Variants in SPG21 observed in about 807,000 individuals in gnomAD.
The protein encoded by SPG21 is SPG21 abhydrolase domain containing, maspardin, also known as maspardin.
In SPG21, 26 loss-of-function variants were observed where a neutral mutation model predicts 38.9. The ratio of observed to expected loss-of-function variants is 0.67; its 90% CI spans 0.49 to 0.93. SPG21 has a LOEUF of 0.93. Among genes scored for constraint, SPG21 ranks in the 40% least tolerant of loss-of-function variants. SPG21 has a pLI of 0.00. For missense variants in SPG21, 333 were observed against 376.5 expected (o/e 0.88, Z 0.96); for synonymous variants, 136 against 128.9 (o/e 1.05, Z -0.37).
intron 1 of SPG21, among the ~76,000 whole-genome samples, chr15:64,984,342 G>C (rs1012978770): frequency 5.3e-5 from 8 of 151,744 alleles, no homozygotes; most frequent in African/African-American, 1.7e-4. Context: ...CTAGAGAAAG[G>C]AGTTGATGTT....
At chr15:64,983,863 T>C (rs1050256837) in intron 1 of SPG21, among the ~76,000 whole-genome samples, 17 of 151,280 alleles carry the variant, frequency 1.1e-4, no homozygotes, top group Admixed American at 9.2e-4. Context: ...GCTCACTGCA[T>C]CCTCTACCTC....
chr15:64,985,067 C>T (rs2085964624), intron 1 of SPG21, among the ~76,000 whole-genome samples: 1 of 152,024 alleles, frequency 6.6e-6, no homozygotes, highest in Non-Finnish European at 1.5e-5. Context: ...GTTCTTAATA[C>T]AAAATACAGG....
chr15:64,985,916 C>A (rs1429806905), intron 1 of SPG21, among the ~76,000 whole-genome samples: 1 of 152,084 alleles, frequency 6.6e-6, no homozygotes, highest in Non-Finnish European at 1.5e-5. Flanking sequence ...TCTCTCTTCT[C>A]AAAGCTAAGA....
rs900408096 is a variant in SPG21, at chr15:64,970,329, C to T, written c.453-107G>A. On this transcript the variant is annotated intron_variant, in intron 5 of 8. Transcript: ENST00000204566. ...AGCTTGGGATCTAGAAATAAAAAGT[C>T]CTAATCCCCTCCTCCAAAGAGCTCA... 1.3e-5 allele frequency: 12 copies of T among 929,302 alleles called. No individual in the cohort carries two copies. In the African/African-American group the frequency reaches 1.6e-4, roughly 13 times the overall value. 57.6% of individuals were successfully genotyped at this position (929,302 alleles called of 1,614,324 possible).
chr15:64,970,598 T>C (rs2085643008), intron 5 of SPG21, among the ~76,000 whole-genome samples: 2 of 152,250 alleles, frequency 1.3e-5, no homozygotes, highest in Admixed American at 1.3e-4. Flanking sequence ...GTTGATATTA[T>C]GTTTTTATCG....
chr15:64,974,250 T>G (rs140223896), intron 5 of SPG21, among the ~76,000 whole-genome samples: 2 of 152,258 alleles, frequency 1.3e-5, no homozygotes, highest in East Asian at 3.9e-4. Flanking sequence ...GCAGATGGCT[T>G]GAGCCCGGGA....
rs557251330 is a variant in SPG21, at chr15:64,965,944, T to A, written c.670-484A>T. On this transcript the variant is annotated intron_variant, in intron 7 of 8. Transcript: ENST00000204566. ...CTCAAACTCCTGACCTCAGGTGATCTGCCCACCTCGGCCTCCCAAAGTGCT... is the reference window on the plus strand; with the variant it reads ...CTCAAACTCCTGACCTCAGGTGATCAGCCCACCTCGGCCTCCCAAAGTGCT... Among the ~76,000 whole-genome samples the A allele has an allele frequency of 5.3e-5, 8 of 152,184 alleles. No homozygotes were observed. In the South Asian group the frequency reaches 1.7e-3, roughly 32 times the overall value.
chr15:64,968,978 G>A (rs2085605674), intron 7 of SPG21, among the ~76,000 whole-genome samples: 1 of 152,104 alleles, frequency 6.6e-6, no homozygotes, highest in Non-Finnish European at 1.5e-5. Flanking sequence ...TTGGACTCAA[G>A]CAATCCTCCT....
At chr15:64,986,149 C>CCT (rs1321766077) in intron 1 of SPG21, among the ~76,000 whole-genome samples, 8 of 148,198 alleles carry the variant, frequency 5.4e-5, no homozygotes, top group South Asian at 2.2e-4. Context: ...AGGTGGATCA[C>CCT]GAGGTCAGGA....
chr15:64,979,167 C>A (rs969781224), intron 3 of SPG21, among the ~76,000 whole-genome samples: 1 of 152,174 alleles, frequency 6.6e-6, no homozygotes, highest in Non-Finnish European at 1.5e-5. Flanking sequence ...ACAGGGAAAG[C>A]GCACAACAAG....
Position 64,974,886 on chromosome 15 carries a change from A to G in SPG21, c.307-139T>C, listed in dbSNP as rs1174076849. 1.8e-5 allele frequency: 17 copies of G among 934,090 alleles called. No individual in the cohort carries two copies. In the East Asian group the frequency reaches 4.2e-4, roughly 23 times the overall value. The allele number at this position is 934,090 out of a possible 1,614,324, so 57.9% of individuals were successfully genotyped here. On this transcript the variant is annotated intron_variant, in intron 4 of 8. Transcript: ENST00000204566. ...AGACTAAAATATTTACAGCAGCTAG[A>G]AATTTAGAAAATATTGTATTTAAAT... is the stretch of plus-strand genomic sequence containing the variant.
chr15:64,981,070 T>C, intron 2 of SPG21, 45 bp from the exon 3 acceptor site: 1 of 1,611,716 alleles, frequency 6.2e-7, no homozygotes, highest in Non-Finnish European at 8.5e-7. Context: ...CTTATAAATT[T>C]GCTTTTTATG....
intron 3 of SPG21, 27 bp downstream of exon 3, chr15:64,980,837 G>A (rs1230382487): frequency 2.5e-6 from 4 of 1,612,670 alleles, no homozygotes; most frequent in African/African-American, 2.7e-5. Context: ...CAAAACGTGG[G>A]TCTGAATTTT....
intron 1 of SPG21, among the ~76,000 whole-genome samples, chr15:64,985,243 G>C (rs928661923): frequency 2.7e-4 from 41 of 152,202 alleles, no homozygotes; most frequent in Admixed American, 2.5e-3. Context: ...GGTTTTCATA[G>C]CTCTGTGATC....
At chr15:64,986,030 G>C (rs72742786) in intron 1 of SPG21, among the ~76,000 whole-genome samples, 4,168 of 152,126 alleles carry the variant, frequency 0.027, 104 homozygotes, top group South Asian at 0.13. Flanking sequence ...GATATATATA[G>C]TGAAATAAAG....
intron 6 of SPG21, 101 bp downstream of exon 6, chr15:64,970,013 A>G (rs2085629100): frequency 1.0e-6 from 1 of 987,194 alleles, no homozygotes; most frequent in Non-Finnish European, 1.6e-6. Flanking sequence ...CTTAGCAAAT[A>G]CCTCTTACAC....
intron 3 of SPG21, among the ~76,000 whole-genome samples, chr15:64,980,290 T>G (rs1328631462): frequency 1.3e-5 from 2 of 152,058 alleles, no homozygotes; most frequent in Non-Finnish European, 2.9e-5. Context: ...GAGAAGGGCG[T>G]CAGGAGAGAA....
chr15:64,967,281 A>C (rs2085558613), intron 7 of SPG21, among the ~76,000 whole-genome samples: 1 of 151,952 alleles, frequency 6.6e-6, no homozygotes, highest in African/African-American at 2.4e-5. Context: ...TTTAAAAATA[A>C]ATAAAAAAAA....
chr15:64,966,209 T>C (rs72740678), intron 7 of SPG21, among the ~76,000 whole-genome samples: 2,537 of 152,226 alleles, frequency 0.017, 30 homozygotes, highest in Admixed American at 0.024. Context: ...CAAAAAAATG[T>C]AGAGTACAAG....
Sources: gnomAD v4.1 joint callset for allele counts (sites outside exome capture counted in the v4.1 genomes callset) on GRCh38, gnomAD v4.1.1 for gene constraint, MANE v1.5 for transcripts, NCBI Gene and HGNC (gene_info 2026-07-23, HGNC 2026-07-21) for gene names.